The following NUDCD2 variants were observed in gnomAD, a reference collection of about 807,000 sequenced individuals.
NUDCD2 encodes NudC domain containing 2.
NUDCD2 carries 16 observed loss-of-function variants against 20.8 expected under a neutral mutation model. The ratio of observed to expected loss-of-function variants is 0.77; its 90% CI spans 0.52 to 1.17. The LOEUF (loss-of-function observed/expected upper bound fraction) is 1.17, where lower values mean the gene tolerates loss of function less well. Ranked by LOEUF, NUDCD2 falls within the 50% of genes most tolerant of loss-of-function variation. NUDCD2 has a pLI of 0.00. For missense variants in NUDCD2, 199 were observed against 193.9 expected, an observed-to-expected ratio of 1.03 and a Z score of -0.16; for synonymous variants, 87 against 72.8, an observed-to-expected ratio of 1.20 and a Z score of -1.00.
rs1213022139 is a variant in NUDCD2, at chr5:163,453,263, A to G, written c.*704T>C. 6.6e-6 allele frequency: 1 copy of G among 152,212 alleles called. No homozygotes were observed. The highest frequency in any genetic ancestry group is 1.5e-5 in the Non-Finnish European group (1 of 68,030). The allele number at this position is 152,212 out of a possible 1,614,324, so 9.4% of individuals were successfully genotyped here. ...ATAGACAATTCCTACCTATATGCCT[A>G]AATCACTTACAATCAAAATGATGCC... On this transcript the variant is annotated 3_prime_UTR_variant, in exon 4 of 4. Coordinates refer to ENST00000302764, the MANE Select transcript of NUDCD2 (RefSeq NM_145266.6).
Position 163,457,004 on chromosome 5 carries a change from T to G in NUDCD2, c.315A>C (p.Glu105Asp), listed in dbSNP as rs932595253. The change falls in exon 3 of 4, where the codon GAA (glutamate) becomes GAC (aspartate). Residue 105 changes from glutamate (E) to aspartate (D), a missense_variant. Coordinates refer to ENST00000302764, the MANE Select transcript of NUDCD2 (RefSeq NM_145266.6). ...DAANCWTSLL[E>D]SEYAADPWVQ... ...CCCAAGGATCCGCTGCATATTCAGA[T>G]TCTAGTAGAGAAGTCCAACAATTTG... 1.2e-6 allele frequency: 2 copies of G among 1,613,584 alleles called. No individual in the cohort carries two copies. Among genetic ancestry groups the G allele is most frequent in the African/African-American group, 2.7e-5 (2 of 74,904 alleles).
At chr5:163,458,507 C>A (rs1758381801) in intron 1 of NUDCD2, among the ~76,000 whole-genome samples, 1 of 152,080 alleles carries the variant, frequency 6.6e-6, no homozygotes, top group African/African-American at 2.4e-5. Context: ...ACGTGGATTG[C>A]TTGACCCCAT....
chr5:163,459,797 C>A lies in NUDCD2; in HGVS notation c.189+65G>T, dbSNP rs910236238. 4 of 1,435,480 alleles carry A rather than the reference C, an allele frequency of 2.8e-6. No individual in the cohort carries two copies. In the African/African-American group the frequency reaches 4.3e-5, roughly 15 times the overall value. The allele number at this position is 1,435,480 out of a possible 1,614,324, so 88.9% of individuals were successfully genotyped here. A position where few individuals can be genotyped will look rare whatever the true frequency, so the allele number is the denominator to read the frequency against. On this transcript the variant is annotated intron_variant, in intron 1 of 3. Transcript: ENST00000302764. ...GCCGTCGGGACACCCAACAGTCGTT[C>A]AGGGAAACGGGGCTGGGGGCGTCTG...
In NUDCD2 at chr5:163,459,967, C is replaced by T; in HGVS notation, c.84G>A (p.Val28=). 1 of 1,613,694 alleles carries T rather than the reference C, an allele frequency of 6.2e-7. No individual in the cohort carries two copies. The highest frequency in any genetic ancestry group is 8.5e-7 in the Non-Finnish European group (1 of 1,179,850). Residue 28 remains valine (V), a synonymous_variant, in exon 1 of 4, where the codon GTG becomes GTA. Transcript: ENST00000302764. The part of the protein sequence containing the change: ...WGQWYQTLEE[V]FIEVQVPPGT... Reference sequence around the variant, plus strand: ...CTGGCGGCACCTGAACTTCAATGAACACCTCCTCCAAGGTCTGGTACCACT... The same window carrying T: ...CTGGCGGCACCTGAACTTCAATGAATACCTCCTCCAAGGTCTGGTACCACT...
chr5:163,456,640 A>G (rs1758318633), intron 3 of NUDCD2, among the ~76,000 whole-genome samples: 1 of 152,306 alleles, frequency 6.6e-6, no homozygotes, highest in East Asian at 1.9e-4. Flanking sequence ...ACACTAGGTA[A>G]GTCTATATTG....
At chr5:163,456,295 TCA>T (rs1167814723) in intron 3 of NUDCD2, among the ~76,000 whole-genome samples, 3 of 152,196 alleles carry the variant, frequency 2.0e-5, no homozygotes, top group Non-Finnish European at 4.4e-5. Flanking sequence ...TTGAGTAGTT[TCA>T]CAGAGATGAA....
chr5:163,456,729 CA>C (rs1188140061), intron 3 of NUDCD2, among the ~76,000 whole-genome samples, 199 bp downstream of exon 3: 1 of 152,154 alleles, frequency 6.6e-6, no homozygotes, highest in Non-Finnish European at 1.5e-5. Flanking sequence ...CACAGCAATA[CA>C]AATAAATTCC....
chr5:163,451,306 A>G lies in NUDCD2; in HGVS notation c.*2661T>C, dbSNP rs1286835076. On this transcript the variant is annotated 3_prime_UTR_variant, in exon 4 of 4. Transcript: ENST00000302764. ...AATAAAGCGTTTTTCTTAATTATAT[A>G]TGATCCCATTTATAACATGCTTGAA... 6.6e-6 allele frequency: 1 copy of G among 152,202 alleles called. No individual in the cohort carries two copies. Among genetic ancestry groups the G allele is most frequent in the Non-Finnish European group, 1.5e-5 (1 of 68,046 alleles). The allele number at this position is 152,202 out of a possible 1,614,324, so 9.4% of individuals were successfully genotyped here.
At chr5:163,455,755 A>C (rs1043279302) in intron 3 of NUDCD2, among the ~76,000 whole-genome samples, 1 of 151,260 alleles carries the variant, frequency 6.6e-6, no homozygotes, top group Non-Finnish European at 1.5e-5. Flanking sequence ...AAAAAAAAGA[A>C]CTGCTCTAAC....
rs934898347 is a variant in NUDCD2 at position 163,446,612 on chromosome 5, CAATT to C, written c.*7351_*7354del. The C allele has an allele frequency of 1.3e-5, 2 of 152,184 alleles. No individual in the cohort carries two copies. The highest frequency in any genetic ancestry group is 4.8e-5 in the African/African-American group (2 of 41,426). 9.4% of individuals were successfully genotyped at this position (152,184 alleles called of 1,614,324 possible). The stretch of plus-strand genomic sequence containing the variant: ...ATGATCATAGAATAATAACAACACT[CAATT>C]TATTTCTCTATACTAATAACTTTGA... On this transcript the variant is annotated 3_prime_UTR_variant, in exon 4 of 4. Transcript: ENST00000302764.
intron 1 of NUDCD2, among the ~76,000 whole-genome samples, chr5:163,458,213 C>T (rs1758375385): frequency 6.6e-6 from 1 of 151,982 alleles, no homozygotes. Context: ...GAACTCCTGA[C>T]CTTGTGATCC....
rs2113395741 is a variant in NUDCD2, at chr5:163,447,887, T to G, written c.*6080A>C. The G allele has an allele frequency of 6.6e-6, 1 of 152,160 alleles. No homozygotes were observed. Among genetic ancestry groups the G allele is most frequent in the East Asian group, 1.9e-4 (1 of 5,170 alleles). The allele number at this position is 152,160 out of a possible 1,614,324, so 9.4% of individuals were successfully genotyped here. ...AAAAATATTTTAAAATAAATGAAAA[T>G]ATCACCGTGCTTGGAATGCAGCCAT... On this transcript the variant is annotated 3_prime_UTR_variant, in exon 4 of 4. Coordinates refer to ENST00000302764, the MANE Select transcript of NUDCD2 (RefSeq NM_145266.6).
intron 3 of NUDCD2, among the ~76,000 whole-genome samples, chr5:163,455,828 G>A (rs1282937622): frequency 2.7e-5 from 4 of 149,740 alleles, no homozygotes; most frequent in African/African-American, 1.0e-4. Flanking sequence ...CGTTATTAGA[G>A]TAATCAGGCA....
rs1758241309 is a variant in NUDCD2, at chr5:163,454,010, T to C, written c.431A>G (p.Asn144Ser). ...FDFSGAEISGNYTKGGPDFSN... is the reference protein window; with the variant it reads ...FDFSGAEISGSYTKGGPDFSN... Reference sequence around the variant, plus strand: ...GAAATCTGGTCCACCTTTAGTGTAGTTTCCTGAGATTTCTGCTCCACTGAA... The same window carrying C: ...GAAATCTGGTCCACCTTTAGTGTAGCTTCCTGAGATTTCTGCTCCACTGAA... Residue 144 changes from asparagine to serine, a missense_variant, in exon 4 of 4, where the codon AAC becomes AGC. Transcript: ENST00000302764. 8 of 1,560,746 alleles carry C rather than the reference T, an allele frequency of 5.1e-6. No homozygotes were observed. Among genetic ancestry groups the C allele is most frequent in the Non-Finnish European group, 7.0e-6 (8 of 1,149,732 alleles).
In NUDCD2 at chr5:163,447,052, T is replaced by C. The variant is rs1026201271; in HGVS notation, c.*6915A>G. ...ATTTTTATATTCATCAAAGTAGAGTTAGGAACAACCAAAATTGCCAAGGAT... is the reference window on the plus strand; with the variant it reads ...ATTTTTATATTCATCAAAGTAGAGTCAGGAACAACCAAAATTGCCAAGGAT... On this transcript the variant is annotated 3_prime_UTR_variant, in exon 4 of 4. Transcript: ENST00000302764. 5.3e-5 allele frequency: 8 copies of C among 152,180 alleles called. No homozygotes were observed. The highest frequency in any genetic ancestry group is 1.9e-4 in the African/African-American group (8 of 41,430). The allele number at this position is 152,180 out of a possible 1,614,324, so 9.4% of individuals were successfully genotyped here. A position where few individuals can be genotyped will look rare whatever the true frequency, so the allele number is the denominator to read the frequency against.
chr5:163,457,550 A>C lies in NUDCD2; in HGVS notation c.238+12T>G. ...TTATTTTAATTTGATGAATTATAGT[A>C]ATTACCCTTACCCAAAGTCCATGTT... On this transcript the variant is annotated intron_variant, in intron 2 of 3. Coordinates refer to ENST00000302764, the MANE Select transcript of NUDCD2 (RefSeq NM_145266.6). 1 of 1,483,184 alleles carries C rather than the reference A, an allele frequency of 6.7e-7. No individual in the cohort carries two copies. The highest frequency in any genetic ancestry group is 9.4e-7 in the Non-Finnish European group (1 of 1,063,518). The allele number at this position is 1,483,184 out of a possible 1,614,324, so 91.9% of individuals were successfully genotyped here.
chr5:163,454,055 A>G lies in NUDCD2; in HGVS notation c.391-5T>C, dbSNP rs12332094. The G allele has an allele frequency of 9.4e-4, 1,412 of 1,505,066 alleles. 15 individuals are homozygous for G. The African/African-American group carries it at 0.017, about 18-fold the overall frequency. 93.2% of individuals were successfully genotyped at this position (1,505,066 alleles called of 1,614,324 possible). A position where few individuals can be genotyped will look rare whatever the true frequency, so the allele number is the denominator to read the frequency against. The stretch of plus-strand genomic sequence containing the variant: ...ACTGAAGTCAAAACCAGGATTCTAA[A>G]AGATACAAACATATATATAATGAAA... On this transcript the variant is annotated splice_polypyrimidine_tract_variant and splice_region_variant and intron_variant, in intron 3 of 3. Coordinates refer to ENST00000302764, the MANE Select transcript of NUDCD2 (RefSeq NM_145266.6).
Position 163,446,602 on chromosome 5 carries a change from T to C in NUDCD2, c.*7365A>G, listed in dbSNP as rs1030855918. 4 of 152,230 alleles carry C rather than the reference T, an allele frequency of 2.6e-5. No individual in the cohort carries two copies. The highest frequency in any genetic ancestry group is 7.2e-5 in the African/African-American group (3 of 41,452). 9.4% of individuals were successfully genotyped at this position (152,230 alleles called of 1,614,324 possible). Reference sequence around the variant, plus strand: ...TGCTGTCATCATGATCATAGAATAATAACAACACTCAATTTATTTCTCTAT... The same window carrying C: ...TGCTGTCATCATGATCATAGAATAACAACAACACTCAATTTATTTCTCTAT... On this transcript the variant is annotated 3_prime_UTR_variant, in exon 4 of 4. Transcript: ENST00000302764.
chr5:163,456,132 T>C (rs779293629), intron 3 of NUDCD2, among the ~76,000 whole-genome samples: 1 of 152,156 alleles, frequency 6.6e-6, no homozygotes, highest in Non-Finnish European at 1.5e-5. Context: ...AGATGTTGAA[T>C]AGGCAACCGG....
Sources: allele counts gnomAD v4.1 joint callset (sites outside exome capture counted in the v4.1 genomes callset), GRCh38; gene constraint gnomAD v4.1.1; transcripts MANE v1.5; gene names NCBI Gene and HGNC (gene_info 2026-07-23, HGNC 2026-07-21).